The following SCML4 variants were observed in gnomAD, a reference collection of about 807,000 sequenced individuals.
The protein encoded by SCML4 is Scm polycomb group protein like 4.
A neutral mutation model predicts 41.1 loss-of-function variants in SCML4; 34 were observed. The observed-to-expected ratio is 0.83, with a 90% CI of 0.63 to 1.10. The LOEUF (loss-of-function observed/expected upper bound fraction) is 1.10. SCML4 is among the 50% of genes least tolerant of loss of function. SCML4 has a pLI of 0.00. For missense variants in SCML4, 522 were observed against 534.1 expected (o/e 0.98, Z 0.22); for synonymous variants, 214 against 220.9 (o/e 0.97, Z 0.28).
At chr6:107,789,790 C>T (rs1017059608) in intron 1 of SCML4, among the ~76,000 whole-genome samples, 12 of 152,212 alleles carry the variant, frequency 7.9e-5, no homozygotes, top group African/African-American at 1.2e-4. Context: ...TCATGTCCCC[C>T]GGGCTGTGGG....
intron 1 of SCML4, among the ~76,000 whole-genome samples, chr6:107,806,485 A>G (rs1314612923): frequency 6.6e-6 from 1 of 152,122 alleles, no homozygotes; most frequent in Non-Finnish European, 1.5e-5. Flanking sequence ...CTACTTCTCC[A>G]CTGACATGTT....
intron 1 of SCML4, among the ~76,000 whole-genome samples, chr6:107,777,296 T>G (rs556672791): frequency 6.6e-6 from 1 of 152,318 alleles, no homozygotes; most frequent in South Asian, 2.1e-4. Context: ...TTTTGTATTT[T>G]TAGTAGAGAC....
chr6:107,705,050 A>T lies in SCML4; in HGVS notation c.*150T>A. On this transcript the variant is annotated 3_prime_UTR_variant, in exon 8 of 8. Transcript: ENST00000369020. ...CCATGTTAAATTCTTCAAAAGGCAA[A>T]GATTCACAAGTTTTATAAAAAGACC... 1 of 786,420 alleles carries T rather than the reference A, an allele frequency of 1.3e-6. No homozygotes were observed. The highest frequency in any genetic ancestry group is 2.1e-6 in the Non-Finnish European group (1 of 479,556). The allele number at this position is 786,420 out of a possible 1,614,324, so 48.7% of individuals were successfully genotyped here. A position where few individuals can be genotyped will look rare whatever the true frequency, so the allele number is the denominator to read the frequency against.
intron 1 of SCML4, among the ~76,000 whole-genome samples, chr6:107,772,758 TTAAA>T (rs1181593987): frequency 2.0e-5 from 3 of 152,170 alleles, no homozygotes; most frequent in Non-Finnish European, 2.9e-5. Flanking sequence ...AACAATAATA[TTAAA>T]TAAACAAAGC....
At chr6:107,721,581 C>T (rs1775421281) in intron 5 of SCML4, among the ~76,000 whole-genome samples, 1 of 152,112 alleles carries the variant, frequency 6.6e-6, no homozygotes, top group African/African-American at 2.4e-5. Flanking sequence ...TGGCTCTGCC[C>T]TCACAGTCTC....
At position 107,705,014 on chromosome 6, in the gene SCML4, C is replaced by T. The variant is rs1036148699; in HGVS notation, c.*186G>A. 4.5e-6 allele frequency: 3 copies of T among 665,720 alleles called. No individual in the cohort carries two copies. In the African/African-American group the frequency reaches 5.5e-5, roughly 12 times the overall value. 41.2% of individuals were successfully genotyped at this position (665,720 alleles called of 1,614,324 possible). A position where few individuals can be genotyped will look rare whatever the true frequency, so the allele number is the denominator to read the frequency against. ...GCAAATTATGAACACAGAGGAGCCTCTCGAAAAGGTCCATGTTAAATTCTT... is the reference window on the plus strand; with the variant it reads ...GCAAATTATGAACACAGAGGAGCCTTTCGAAAAGGTCCATGTTAAATTCTT... On this transcript the variant is annotated 3_prime_UTR_variant, in exon 8 of 8. Coordinates refer to ENST00000369020, the MANE Select transcript of SCML4 (RefSeq NM_198081.5).
At chr6:107,713,328 C>T (rs754939309) in intron 6 of SCML4, among the ~76,000 whole-genome samples, 2 of 152,182 alleles carry the variant, frequency 1.3e-5, no homozygotes, top group African/African-American at 2.4e-5. Context: ...GCCATGTGAT[C>T]GACTCTCTGC....
At chr6:107,770,405 T>C (rs1312829431) in intron 2 of SCML4, among the ~76,000 whole-genome samples, 1 of 152,202 alleles carries the variant, frequency 6.6e-6, no homozygotes, top group Non-Finnish European at 1.5e-5. Context: ...TCACACAGAA[T>C]GGCACCCGGT....
At chr6:107,758,359 G>A (rs541140988) in intron 2 of SCML4, among the ~76,000 whole-genome samples, 2 of 152,346 alleles carry the variant, frequency 1.3e-5, no homozygotes, top group South Asian at 4.1e-4. Context: ...GGTTGGAACT[G>A]TGGGCAAGAG....
intron 1 of SCML4, among the ~76,000 whole-genome samples, chr6:107,796,649 G>A (rs753591327): frequency 1.3e-5 from 2 of 152,144 alleles, no homozygotes; most frequent in African/African-American, 2.4e-5. Flanking sequence ...AATGTTTGAA[G>A]TTCAAGATAG....
intron 2 of SCML4, among the ~76,000 whole-genome samples, chr6:107,762,648 G>A (rs1779692086): frequency 6.6e-6 from 1 of 152,064 alleles, no homozygotes; most frequent in Non-Finnish European, 1.5e-5. Flanking sequence ...GAAGATGATG[G>A]GAAGACATGG....
intron 1 of SCML4, among the ~76,000 whole-genome samples, chr6:107,779,726 A>G (rs977273918): frequency 2.6e-5 from 4 of 152,120 alleles, no homozygotes; most frequent in African/African-American, 9.7e-5. Context: ...TTCTGCCAGC[A>G]GTTTCATCCT....
chr6:107,815,119 G>A (rs1042214281), intron 1 of SCML4, among the ~76,000 whole-genome samples: 7 of 152,146 alleles, frequency 4.6e-5, no homozygotes, highest in Non-Finnish European at 8.8e-5. Context: ...CAGAGTGTTC[G>A]GGGAGGCAGG....
intron 1 of SCML4, among the ~76,000 whole-genome samples, chr6:107,788,339 G>A (rs1037789473): frequency 2.0e-5 from 3 of 152,154 alleles, no homozygotes; most frequent in Non-Finnish European, 4.4e-5. Flanking sequence ...GCTGCCATAA[G>A]GATCCCATGA....
At chr6:107,760,453 T>C (rs1264403679) in intron 2 of SCML4, among the ~76,000 whole-genome samples, 1 of 152,168 alleles carries the variant, frequency 6.6e-6, no homozygotes, top group Non-Finnish European at 1.5e-5. Flanking sequence ...GCCTTGACAC[T>C]GAGGGAGGGG....
the SCML4 span, among the ~76,000 whole-genome samples, chr6:107,839,361 GA>G: frequency 3.1e-5 from 1 of 31,774 alleles, no homozygotes; most frequent in African/African-American, 1.4e-4. Flanking sequence ...AAGAAAGAAA[GA>G]AAGAAGGAAA....
intron 6 of SCML4, among the ~76,000 whole-genome samples, chr6:107,715,288 TTTAA>T: frequency 6.9e-6 from 1 of 144,344 alleles, no homozygotes; most frequent in African/African-American, 2.6e-5. Flanking sequence ...ACACAAACTC[TTTAA>T]TTAATCAGCT....
chr6:107,710,966 C>G, intron 6 of SCML4, among the ~76,000 whole-genome samples: 1 of 67,100 alleles, frequency 1.5e-5, no homozygotes, highest in Non-Finnish European at 3.2e-5. Flanking sequence ...GTCCCATCTG[C>G]TTGAAATGGA....
At chr6:107,817,620 CAAAAAAAAAAAAAAAG>C (rs1218401362) in intron 1 of SCML4, among the ~76,000 whole-genome samples, 3 of 46,002 alleles carry the variant, frequency 6.5e-5, no homozygotes, top group African/African-American at 1.4e-4. Flanking sequence ...GACTTCATCT[CAAAAAAAAAAAAAAAG>C]AAAAAAAAAA....
Sources: allele counts gnomAD v4.1 joint callset (sites outside exome capture counted in the v4.1 genomes callset), GRCh38; gene constraint gnomAD v4.1.1; transcripts MANE v1.5; gene names NCBI Gene and HGNC (gene_info 2026-07-23, HGNC 2026-07-21).